Variants in APAF1 observed in about 807,000 individuals in gnomAD.
APAF1 encodes apoptotic peptidase activating factor 1.
APAF1 carries 91 observed loss-of-function variants against 152.4 expected under a neutral mutation model. The ratio of observed to expected loss-of-function variants is 0.60; its 90% CI spans 0.50 to 0.71. The LOEUF (loss-of-function observed/expected upper bound fraction) is 0.71. Ranked by LOEUF, APAF1 falls within the 30% of genes least tolerant of loss-of-function variation. The pLI is 0.00. For synonymous variants in APAF1, 484 were observed against 494.1 expected, an observed-to-expected ratio of 0.98 and a Z score of 0.27; for missense variants, 1,283 against 1,472.0, an observed-to-expected ratio of 0.87 and a Z score of 2.10.
intron 11 of APAF1, among the ~76,000 whole-genome samples, chr12:98,671,308 T>A (rs78095695): frequency 2.0e-5 from 3 of 152,008 alleles, no homozygotes; most frequent in East Asian, 3.9e-4. Context: ...GTGGTTTTTT[T>A]AAAAAAAGAA....
intron 19 of APAF1, among the ~76,000 whole-genome samples, 189 bp from the exon 20 acceptor site, chr12:98,708,396 A>T (rs1208147864): frequency 1.3e-5 from 2 of 152,256 alleles, no homozygotes; most frequent in African/African-American, 4.8e-5. Context: ...TCTGGAGCCC[A>T]TAACTCTTAA....
rs1295467830 is a variant in APAF1 at position 98,683,154 on chromosome 12, T to A, written c.2058T>A (p.Ser686=). The change falls in exon 15 of 27, where the codon TCT becomes TCA. Residue 686 remains serine, a synonymous_variant. Coordinates refer to ENST00000551964, the MANE Select transcript of APAF1 (RefSeq NM_181861.2). ...TCTTTTCTCTTTAGATTTGGAATTC[T>A]ATGACTGGGGAACTAGTACACACCT... ...SVDKKVKIWN[S]MTGELVHTYD... is the part of the protein sequence containing the mutation. 4 of 1,613,168 alleles carry A rather than the reference T, an allele frequency of 2.5e-6. No individual in the cohort carries two copies. Among genetic ancestry groups the A allele is most frequent in the Non-Finnish European group, 3.4e-6 (4 of 1,179,326 alleles).
chr12:98,694,162 A>G (rs1212603817), intron 16 of APAF1, among the ~76,000 whole-genome samples: 2 of 152,198 alleles, frequency 1.3e-5, no homozygotes, highest in African/African-American at 4.8e-5. Flanking sequence ...ACCTCAAGCT[A>G]TTAAAATCCT....
At chr12:98,652,163 G>A (rs967898328) in intron 4 of APAF1, among the ~76,000 whole-genome samples, 2 of 152,044 alleles carry the variant, frequency 1.3e-5, no homozygotes, top group African/African-American at 4.8e-5. Flanking sequence ...ATCTTGTCCA[G>A]GCTGGTCTCA....
rs376958146 is a variant in APAF1 at position 98,683,169 on chromosome 12, A to G, written c.2073A>G (p.Leu691=). The part of the protein sequence containing the change: ...VKIWNSMTGE[L]VHTYDEHSEQ... ...TTTGGAATTCTATGACTGGGGAACT[A>G]GTACACACCTATGATGAGCACTCAG... The change falls in exon 15 of 27, where the codon CTA becomes CTG. Residue 691 remains leucine, a synonymous_variant. Transcript: ENST00000551964. The G allele has an allele frequency of 2.5e-6, 4 of 1,613,188 alleles. No individual in the cohort carries two copies. Among genetic ancestry groups the G allele is most frequent in the African/African-American group, 2.7e-5 (2 of 74,866 alleles).
chr12:98,657,311 C>T (rs184936398), intron 4 of APAF1, among the ~76,000 whole-genome samples: 1 of 152,288 alleles, frequency 6.6e-6, no homozygotes, highest in African/African-American at 2.4e-5. Context: ...ATTTTATTGT[C>T]CATCATTCAG....
intron 5 of APAF1, among the ~76,000 whole-genome samples, 198 bp downstream of exon 5, chr12:98,659,541 C>T (rs2097662114): frequency 1.3e-5 from 2 of 152,018 alleles, no homozygotes; most frequent in South Asian, 4.2e-4. Flanking sequence ...TACCTGAGGT[C>T]AGGAGTTCAA....
chr12:98,704,872 C>T (rs897028192), intron 18 of APAF1, among the ~76,000 whole-genome samples: 6 of 152,094 alleles, frequency 3.9e-5, no homozygotes, highest in African/African-American at 9.7e-5. Context: ...CTCCACCTCC[C>T]GGGTTCAAGC....
At chr12:98,702,221 G>A (rs1038748175) in intron 17 of APAF1, among the ~76,000 whole-genome samples, 13 of 151,850 alleles carry the variant, frequency 8.6e-5, no homozygotes, top group African/African-American at 1.9e-4. Context: ...ACCTGCCACC[G>A]CGCCCGGCTA....
intron 22 of APAF1, among the ~76,000 whole-genome samples, chr12:98,717,474 C>G (rs1212373698): frequency 6.6e-6 from 1 of 151,788 alleles, no homozygotes; most frequent in Non-Finnish European, 1.5e-5. Context: ...CTCCTGGGTT[C>G]AAGCGATTCT....
Position 98,671,703 on chromosome 12 carries a change from C to T in APAF1, c.1777C>T (p.Leu593Phe), listed in dbSNP as rs1459892805. The T allele has an allele frequency of 6.2e-7, 1 of 1,613,884 alleles. No homozygotes were observed. The highest frequency in any genetic ancestry group is 8.5e-7 in the Non-Finnish European group (1 of 1,179,994). Reference sequence around the variant, plus strand: ...CAAGCAGGAGGTCGATAATGGAATGCTTTACCTGGAATGGATGTAAGTAGG... The same window carrying T: ...CAAGCAGGAGGTCGATAATGGAATGTTTTACCTGGAATGGATGTAAGTAGG... ...QAKQEVDNGM[L>F]YLEWINKKNI... Residue 593 changes from leucine (L) to phenylalanine (F), a missense_variant, in exon 12 of 27, where the codon CTT becomes TTT. By Grantham distance (22) the Leu-to-Phe change is conservative. Coordinates refer to ENST00000551964, the MANE Select transcript of APAF1 (RefSeq NM_181861.2).
At chr12:98,726,087 G>T (rs527656837) in intron 25 of APAF1, among the ~76,000 whole-genome samples, 3 of 152,162 alleles carry the variant, frequency 2.0e-5, no homozygotes, top group Non-Finnish European at 2.9e-5. Context: ...TTGAGTCACA[G>T]TCTGCATGCT....
chr12:98,715,236 A>T lies in APAF1; in HGVS notation c.2959-191A>T, dbSNP rs549938748. On this transcript the variant is annotated intron_variant, in intron 21 of 26. Transcript: ENST00000551964. ...TTGCATGTAGGCATACATGGTGTGC[A>T]TATATATATATATATATATATATAT... Among the ~76,000 whole-genome samples, 15 of 2,584 alleles carry T rather than the reference A, an allele frequency of 5.8e-3. 2 individuals carry two copies. The East Asian group carries it at 0.18, about 31-fold the overall frequency. 1.7% of individuals were successfully genotyped at this position (2,584 alleles called of 152,430 possible). A position where few individuals can be genotyped will look rare whatever the true frequency, so the allele number is the denominator to read the frequency against.
chr12:98,648,710 C>G lies in APAF1; in HGVS notation c.223C>G (p.Leu75Val), dbSNP rs1466271656. ...TTCCTACGTATCATTCTACAATGCT[C>G]TACTACATGAAGGATATAAAGATCT... The part of the protein sequence containing the change: ...NDSYVSFYNA[L>V]LHEGYKDLAA... The change falls in exon 3 of 27, where the codon CTA becomes GTA. Residue 75 changes from leucine to valine, a missense_variant. Transcript: ENST00000551964. The G allele has an allele frequency of 6.2e-7, 1 of 1,613,544 alleles. No individual in the cohort carries two copies. The highest frequency in any genetic ancestry group is 2.2e-5 in the East Asian group (1 of 44,842).
chr12:98,700,140 AT>A (rs1458852299), intron 17 of APAF1, among the ~76,000 whole-genome samples: 2 of 152,330 alleles, frequency 1.3e-5, no homozygotes, highest in East Asian at 1.9e-4. Context: ...AGTAGCTGGT[AT>A]TTGTGGTATT....
At chr12:98,711,951 A>G (rs552560602) in intron 20 of APAF1, among the ~76,000 whole-genome samples, 1 of 152,334 alleles carries the variant, frequency 6.6e-6, no homozygotes, top group East Asian at 1.9e-4. Flanking sequence ...AATGTAGCAG[A>G]AAAGTATATT....
At chr12:98,700,626 G>T (rs1449095363) in intron 17 of APAF1, among the ~76,000 whole-genome samples, 2 of 152,186 alleles carry the variant, frequency 1.3e-5, no homozygotes, top group Non-Finnish European at 2.9e-5. Flanking sequence ...TGCATATAAT[G>T]TAAAAGTTGC....
chr12:98,662,070 C>T (rs1297437992), intron 5 of APAF1, among the ~76,000 whole-genome samples: 3 of 151,336 alleles, frequency 2.0e-5, no homozygotes, highest in Non-Finnish European at 4.4e-5. Flanking sequence ...CTAATGCTAA[C>T]CTGAGCTCAG....
At chr12:98,667,448 A>C (rs2097674453) in intron 9 of APAF1, 65 bp from the exon 10 acceptor site, 2 of 1,585,984 alleles carry the variant, frequency 1.3e-6, no homozygotes, top group South Asian at 1.1e-5. Context: ...TTGGAAGCTG[A>C]AGTTACTGTG....
Sources: gnomAD v4.1 joint callset for allele counts (sites outside exome capture counted in the v4.1 genomes callset) on GRCh38, gnomAD v4.1.1 for gene constraint, MANE v1.5 for transcripts, NCBI Gene and HGNC (gene_info 2026-07-23, HGNC 2026-07-21) for gene names.